Variants in FMNL2 observed in about 807,000 individuals in gnomAD.
The protein encoded by FMNL2 is formin like 2, also known as formin-like protein 2.
In FMNL2, 51 loss-of-function variants were observed where a neutral mutation model predicts 130.2. That is an observed-to-expected ratio of 0.39 (90% CI 0.31 to 0.49). FMNL2 has a LOEUF of 0.49. FMNL2 is among the 20% of genes least tolerant of loss of function. The pLI, the probability that FMNL2 is intolerant of heterozygous loss-of-function variation, is 0.85. For synonymous variants in FMNL2, 465 were observed against 467.1 expected (o/e 1.00, Z 0.06); for missense variants, 977 against 1,316.2 (o/e 0.74, Z 3.99).
At chr2:152,364,151 C>G (rs1183497600) in intron 1 of FMNL2, among the ~76,000 whole-genome samples, 1 of 151,094 alleles carries the variant, frequency 6.6e-6, no homozygotes, top group African/African-American at 2.4e-5. Flanking sequence ...CCAGAGAAAG[C>G]AGAAGTAGGG....
At chr2:152,438,395 C>T (rs768657138) in intron 1 of FMNL2, among the ~76,000 whole-genome samples, 8 of 152,086 alleles carry the variant, frequency 5.3e-5, no homozygotes, top group Non-Finnish European at 1.2e-4. Context: ...GATGCAGGTT[C>T]TAAATTAGAG....
At chr2:152,407,145 A>G (rs1374683911) in intron 1 of FMNL2, among the ~76,000 whole-genome samples, 1 of 151,704 alleles carries the variant, frequency 6.6e-6, no homozygotes, top group Non-Finnish European at 1.5e-5. Context: ...ACTTATGTTG[A>G]TGTTAAATTA....
chr2:152,492,249 T>C (rs1050739808), intron 1 of FMNL2, among the ~76,000 whole-genome samples: 3 of 152,160 alleles, frequency 2.0e-5, no homozygotes, highest in African/African-American at 7.2e-5. Context: ...TGTAATTTCT[T>C]GTTAGATCAG....
rs527562141 is a variant in FMNL2 at position 152,536,714 on chromosome 2, C to T, written c.202-6025C>T. 5.9e-5 allele frequency among the ~76,000 whole-genome samples: 9 copies of T among 152,288 alleles called. No homozygotes were observed. The South Asian group carries it at 1.9e-3, about 32-fold the overall frequency. On this transcript the variant is annotated intron_variant, in intron 2 of 25. Transcript: ENST00000288670. The stretch of plus-strand genomic sequence containing the variant: ...GTGGCTATACCAAACGGGAGAGAAA[C>T]TCAACAGTGTGTGCCCTGAGAGCCA...
At chr2:152,480,820 A>T (rs960615412) in intron 1 of FMNL2, among the ~76,000 whole-genome samples, 3 of 152,124 alleles carry the variant, frequency 2.0e-5, no homozygotes, top group Non-Finnish European at 2.9e-5. Flanking sequence ...AAAATGTATC[A>T]CCAGCCTTGA....
At chr2:152,420,945 C>A (rs1686883066) in intron 1 of FMNL2, among the ~76,000 whole-genome samples, 1 of 152,138 alleles carries the variant, frequency 6.6e-6, no homozygotes, top group Non-Finnish European at 1.5e-5. Flanking sequence ...GCCTGTTATT[C>A]GCCTGAGATG....
chr2:152,522,911 A>G (rs569826633), intron 2 of FMNL2, among the ~76,000 whole-genome samples: 1 of 152,338 alleles, frequency 6.6e-6, no homozygotes, highest in East Asian at 1.9e-4. Context: ...ATAGATTTCC[A>G]GTCTAAAAAT....
At chr2:152,351,422 A>G (rs147611062) in intron 1 of FMNL2, among the ~76,000 whole-genome samples, 1 of 151,916 alleles carries the variant, frequency 6.6e-6, no homozygotes, top group African/African-American at 2.4e-5. Flanking sequence ...TCATTGTTCA[A>G]CCCCCACTTA....
intron 15 of FMNL2, among the ~76,000 whole-genome samples, chr2:152,621,677 T>C (rs993095611): frequency 3.3e-5 from 5 of 152,220 alleles, no homozygotes; most frequent in African/African-American, 7.2e-5. Context: ...ATCAGGCAAT[T>C]TCTCCAAGGC....
intron 1 of FMNL2, among the ~76,000 whole-genome samples, chr2:152,419,589 G>A (rs1686799909): frequency 1.3e-5 from 2 of 152,136 alleles, no homozygotes; most frequent in South Asian, 4.1e-4. Context: ...CTCAGGAGGA[G>A]TAAATTAATT....
At chr2:152,492,571 G>GGT (rs1210771760) in intron 1 of FMNL2, among the ~76,000 whole-genome samples, 2 of 151,880 alleles carry the variant, frequency 1.3e-5, no homozygotes, top group Non-Finnish European at 2.9e-5. Flanking sequence ...TTGTAAGGGG[G>GGT]GTGTTCAAGT....
rs192562368 is a variant in FMNL2, at chr2:152,565,201, C to T, written c.596+4166C>T. ...AAGGTCCAAGTTAATGCTATTAACT[C>T]GAGTAAGAAATGACATAGCAAGTAA... is the stretch of plus-strand genomic sequence containing the variant. On this transcript the variant is annotated intron_variant, in intron 6 of 25. Transcript: ENST00000288670. Among the ~76,000 whole-genome samples, 196 of 152,192 alleles carry T rather than the reference C, an allele frequency of 1.3e-3. 1 individual carries two copies. The highest frequency in any genetic ancestry group is 3.6e-3 in the African/African-American group (151 of 41,516).
At chr2:152,614,625 C>A (rs1698850652) in intron 11 of FMNL2, among the ~76,000 whole-genome samples, 1 of 152,214 alleles carries the variant, frequency 6.6e-6, no homozygotes, top group African/African-American at 2.4e-5. Context: ...TGCCTGTAAT[C>A]CCAGCTACTT....
At chr2:152,643,978 C>T (rs1683320306) in intron 25 of FMNL2, 1 of 816,704 alleles carries the variant, frequency 1.2e-6, no homozygotes, top group Non-Finnish European at 1.5e-6. Flanking sequence ...GCCTGTAATT[C>T]CAGTACTTTG....
At chr2:152,408,710 G>A (rs1443960899) in intron 1 of FMNL2, among the ~76,000 whole-genome samples, 1 of 152,056 alleles carries the variant, frequency 6.6e-6, no homozygotes, top group Non-Finnish European at 1.5e-5. Flanking sequence ...TGAGAACACT[G>A]ACATTAGCCT....
intron 11 of FMNL2, among the ~76,000 whole-genome samples, chr2:152,613,322 G>A (rs1472032718): frequency 2.0e-5 from 3 of 152,162 alleles, no homozygotes; most frequent in South Asian, 2.1e-4. Context: ...GTTTGGTTTT[G>A]TGGTGTCTGA....
intron 1 of FMNL2, among the ~76,000 whole-genome samples, chr2:152,431,187 T>G (rs752158076): frequency 1.4e-4 from 21 of 152,330 alleles, no homozygotes; most frequent in Non-Finnish European, 2.5e-4. Flanking sequence ...GAAACACTGC[T>G]TTAAATCATC....
At chr2:152,644,923 G>A (rs1683414205) in intron 25 of FMNL2, among the ~76,000 whole-genome samples, 1 of 152,204 alleles carries the variant, frequency 6.6e-6, no homozygotes, top group African/African-American at 2.4e-5. Flanking sequence ...GTGTCTAGTT[G>A]ATTAGAAAAG....
At chr2:152,633,717 A>G (rs935031737) in intron 21 of FMNL2, among the ~76,000 whole-genome samples, 2 of 152,344 alleles carry the variant, frequency 1.3e-5, no homozygotes, top group Non-Finnish European at 2.9e-5. Flanking sequence ...GCCTAAATTA[A>G]TTACACCTCA....
Sources: gnomAD v4.1 joint callset for allele counts (sites outside exome capture counted in the v4.1 genomes callset) on GRCh38, gnomAD v4.1.1 for gene constraint, MANE v1.5 for transcripts, NCBI Gene and HGNC (gene_info 2026-07-23, HGNC 2026-07-21) for gene names.